Variants in LRMDA observed in about 807,000 individuals in gnomAD.
LRMDA encodes the protein leucine rich melanocyte differentiation associated.
In LRMDA, 18 loss-of-function variants were observed where a neutral mutation model predicts 29.8. The ratio of observed to expected loss-of-function variants is 0.60; its 90% CI spans 0.42 to 0.90. The LOEUF (loss-of-function observed/expected upper bound fraction) is 0.90, where lower values mean the gene tolerates loss of function less well. Among genes scored for constraint, LRMDA ranks in the 40% least tolerant of loss-of-function variants. The pLI is 0.00. For missense variants in LRMDA, 273 were observed against 273.9 expected (o/e 1.00, Z 0.02); for synonymous variants, 125 against 109.4 (o/e 1.14, Z -0.89).
intron 5 of LRMDA, among the ~76,000 whole-genome samples, chr10:76,144,208 G>A (rs1850264328): frequency 6.6e-6 from 1 of 152,156 alleles, no homozygotes; most frequent in African/African-American, 2.4e-5. Context: ...CTTTAAAGTA[G>A]TTTTTTCCAA....
chr10:76,061,264 T>C (rs949934899), intron 5 of LRMDA, among the ~76,000 whole-genome samples: 4 of 152,110 alleles, frequency 2.6e-5, no homozygotes, highest in African/African-American at 9.7e-5. Context: ...AGCAAACTAA[T>C]GCAGGAACAG....
chr10:76,076,710 G>C (rs1218360312), intron 5 of LRMDA, among the ~76,000 whole-genome samples: 2 of 152,204 alleles, frequency 1.3e-5, no homozygotes, highest in East Asian at 1.9e-4. Flanking sequence ...GTATTTCAGG[G>C]CTCAGGAGAT....
intron 2 of LRMDA, among the ~76,000 whole-genome samples, chr10:75,477,357 C>T (rs1589154858): frequency 6.6e-6 from 1 of 152,172 alleles, no homozygotes; most frequent in African/African-American, 2.4e-5. Context: ...TTCTGAGAAT[C>T]TGGGTTAGAA....
chr10:75,722,140 G>T (rs571031177), intron 2 of LRMDA, among the ~76,000 whole-genome samples: 2 of 152,080 alleles, frequency 1.3e-5, no homozygotes, highest in African/African-American at 2.4e-5. Flanking sequence ...TAACAAATGG[G>T]TATCAGTGGC....
At chr10:76,088,285 C>A (rs1325041639) in intron 5 of LRMDA, among the ~76,000 whole-genome samples, 1 of 152,186 alleles carries the variant, frequency 6.6e-6, no homozygotes, top group African/African-American at 2.4e-5. Flanking sequence ...CTATCTGTAA[C>A]CATCTTCTGT....
chr10:76,213,556 T>A (rs113003066), intron 5 of LRMDA, among the ~76,000 whole-genome samples: 1 of 152,362 alleles, frequency 6.6e-6, no homozygotes, highest in South Asian at 2.1e-4. Context: ...TGGAAGTGGC[T>A]TTGAAACATT....
At chr10:75,830,045 G>T (rs916823139) in intron 2 of LRMDA, among the ~76,000 whole-genome samples, 1 of 152,014 alleles carries the variant, frequency 6.6e-6, no homozygotes, top group Non-Finnish European at 1.5e-5. Context: ...AAATTATTTT[G>T]CAGTATGATG....
At chr10:76,462,501 T>C (rs547497568) in intron 6 of LRMDA, among the ~76,000 whole-genome samples, 1 of 152,342 alleles carries the variant, frequency 6.6e-6, no homozygotes, top group African/African-American at 2.4e-5. Context: ...CATTCTTCGA[T>C]GCCCAATCTC....
At chr10:75,792,652 A>AG (rs563194847) in intron 2 of LRMDA, among the ~76,000 whole-genome samples, 1 of 152,222 alleles carries the variant, frequency 6.6e-6, no homozygotes, top group Non-Finnish European at 1.5e-5. Context: ...GTGATTTAAG[A>AG]GTATGCCTCA....
intron 2 of LRMDA, among the ~76,000 whole-genome samples, chr10:75,623,958 C>T (rs1200581212): frequency 2.0e-5 from 3 of 152,060 alleles, no homozygotes; most frequent in East Asian, 3.9e-4. Flanking sequence ...TATCAGAGGC[C>T]GTTTTCAAAT....
chr10:75,574,218 C>T (rs1840473872), intron 2 of LRMDA, among the ~76,000 whole-genome samples: 2 of 152,124 alleles, frequency 1.3e-5, no homozygotes, highest in Admixed American at 6.5e-5. Context: ...GCCATGGGCT[C>T]CTGTGGTATA....
intron 6 of LRMDA, among the ~76,000 whole-genome samples, chr10:76,462,710 T>C (rs929215078): frequency 6.6e-6 from 1 of 152,168 alleles, no homozygotes; most frequent in Non-Finnish European, 1.5e-5. Context: ...AGGACCTGTC[T>C]CTTGGCTGCT....
intron 5 of LRMDA, among the ~76,000 whole-genome samples, chr10:76,103,661 C>T (rs555412575): frequency 2.3e-4 from 35 of 152,298 alleles, no homozygotes; most frequent in African/African-American, 8.4e-4. Context: ...TTATATCTCT[C>T]TCATGATTAT....
chr10:76,185,533 C>T (rs918301690), intron 5 of LRMDA, among the ~76,000 whole-genome samples: 5 of 152,102 alleles, frequency 3.3e-5, no homozygotes, highest in Admixed American at 3.3e-4. Context: ...ATTATAAAGG[C>T]TCTTCCTGGT....
chr10:75,454,417 C>T (rs1425594164), intron 2 of LRMDA, among the ~76,000 whole-genome samples: 1 of 152,128 alleles, frequency 6.6e-6, no homozygotes, highest in Non-Finnish European at 1.5e-5. Context: ...CTGAGACCTT[C>T]CCGTCTCCTT....
chr10:75,646,001 C>T (rs771715220), intron 2 of LRMDA, among the ~76,000 whole-genome samples: 6 of 151,680 alleles, frequency 4.0e-5, no homozygotes, highest in Non-Finnish European at 8.8e-5. Flanking sequence ...GTGATATTTT[C>T]CTTCCTCTAT....
chr10:76,556,274 AAG>A (rs1843555407), intron 6 of LRMDA: 1 of 152,192 alleles, frequency 6.6e-6, no homozygotes, highest in East Asian at 1.9e-4. Flanking sequence ...TGACCAGAGA[AAG>A]AGAGTTCAGG....
rs189747122 is a variant in LRMDA at position 75,685,914 on chromosome 10, C to G, written c.131+247420C>G. Among the ~76,000 whole-genome samples, 3 of 152,342 alleles carry G rather than the reference C, an allele frequency of 2.0e-5. No individual in the cohort carries two copies. In the East Asian group the frequency reaches 5.8e-4, roughly 29 times the overall value. ...GCTTGACTATATGCCAGCTACAGTT[C>G]TAAGTGCTTTACATGCACCTCATTT... On this transcript the variant is annotated intron_variant, in intron 2 of 6. Transcript: ENST00000611255.
intron 6 of LRMDA, among the ~76,000 whole-genome samples, chr10:76,363,276 A>AAAGGAAGGAAGGAAGGAAGGAAGG (rs1212066726): frequency 3.4e-5 from 2 of 58,804 alleles, no homozygotes; most frequent in Non-Finnish European, 6.4e-5. Flanking sequence ...GGAAGGAAGG[A>AAAGGAAGGAAGGAAGGAAGGAAGG]AAGGAAGGAA....
Sources: allele counts gnomAD v4.1 joint callset (sites outside exome capture counted in the v4.1 genomes callset), GRCh38; gene constraint gnomAD v4.1.1; transcripts MANE v1.5; gene names NCBI Gene and HGNC (gene_info 2026-07-23, HGNC 2026-07-21).